GPRC5D: variants seen among roughly 807,000 people sequenced by gnomAD.
The protein encoded by GPRC5D is G protein-coupled receptor class C group 5 member D.
In GPRC5D, 20 loss-of-function variants were observed where a neutral mutation model predicts 29.3. That is an observed-to-expected ratio of 0.68 (90% CI 0.48 to 0.99). The LOEUF (loss-of-function observed/expected upper bound fraction) is 0.99, where lower values mean the gene tolerates loss of function less well. GPRC5D is among the 50% of genes least tolerant of loss of function. The probability of loss-of-function intolerance (pLI) is 0.00; values close to 1 mark genes in which losing one functional copy is unlikely to be tolerated. For synonymous variants in GPRC5D, 178 were observed against 171.3 expected (o/e 1.04, Z -0.30); for missense variants, 384 against 423.6 (o/e 0.91, Z 0.82).
rs1565480791 is a variant in GPRC5D at position 12,950,092 on chromosome 12, AC to A, written c.292del (p.Val98PhefsTer11). 1.2e-6 allele frequency: 2 copies of A among 1,614,060 alleles called. No individual in the cohort carries two copies. The highest frequency in any genetic ancestry group is 3.3e-5 in the Admixed American group (2 of 60,018). On this transcript the variant is annotated frameshift_variant, in exon 1 of 3. Transcript: ENST00000228887. LOFTEE classifies it high-confidence loss of function. ...GCATGAGAAACAGAGAGCAAAGAGA[AC>A]CCCAAAGAGAAAGTAGCGTACGGGG...
intron 1 of GPRC5D, among the ~76,000 whole-genome samples, chr12:12,946,492 T>C (rs1188964715): frequency 6.6e-6 from 1 of 151,368 alleles, no homozygotes; most frequent in Non-Finnish European, 1.5e-5. Flanking sequence ...CCTTGCTCTG[T>C]TGCCCAGGCT....
intron 2 of GPRC5D, among the ~76,000 whole-genome samples, chr12:12,941,571 A>G (rs1863146852): frequency 6.6e-6 from 1 of 152,174 alleles, no homozygotes; most frequent in Non-Finnish European, 1.5e-5. Context: ...AAATGATCTG[A>G]GGGTGGCTTT....
chr12:12,946,842 A>C (rs1208391243), intron 1 of GPRC5D, among the ~76,000 whole-genome samples: 1 of 152,164 alleles, frequency 6.6e-6, no homozygotes, highest in Non-Finnish European at 1.5e-5. Context: ...TGGTAAATTA[A>C]ATAATTATGT....
chr12:12,942,434 T>A, intron 1 of GPRC5D, 106 bp from the exon 3 acceptor site: 1 of 742,342 alleles, frequency 1.3e-6, no homozygotes, highest in South Asian at 1.6e-5. Flanking sequence ...GGCTCTTCAC[T>A]CTTTAAAAGG....
intron 1 of GPRC5D, among the ~76,000 whole-genome samples, chr12:12,947,959 G>T (rs1188032130): frequency 1.3e-5 from 2 of 152,110 alleles, no homozygotes; most frequent in East Asian, 3.9e-4. Flanking sequence ...CTCAGAGATG[G>T]GTTTTCTAAC....
At chr12:12,945,196 C>A (rs1863284124) in intron 1 of GPRC5D, among the ~76,000 whole-genome samples, 5 of 151,682 alleles carry the variant, frequency 3.3e-5, no homozygotes, top group Admixed American at 3.3e-4. Flanking sequence ...GTAGAGACAG[C>A]ATTTCACCAT....
intron 1 of GPRC5D, among the ~76,000 whole-genome samples, chr12:12,945,185 A>T (rs1438980104): frequency 6.6e-6 from 1 of 151,750 alleles, no homozygotes; most frequent in African/African-American, 2.4e-5. Flanking sequence ...TTGTATTTTT[A>T]GTAGAGACAG....
In GPRC5D at chr12:12,944,930, T is replaced by C. The variant is rs55852343; in HGVS notation, c.896-2602A>G. Among the ~76,000 whole-genome samples, 89 of 56,752 alleles carry C rather than the reference T, an allele frequency of 1.6e-3. 6 individuals carry two copies. Among genetic ancestry groups the C allele is most frequent in the South Asian group, 5.5e-3 (6 of 1,084 alleles). 37.2% of individuals were successfully genotyped at this position (56,752 alleles called of 152,430 possible). On this transcript the variant is annotated intron_variant, in intron 1 of 2. Coordinates refer to ENST00000228887, the Ensembl canonical transcript of GPRC5D. ...CTCTCCCTTTCTTTCCCTTTCTTCC[T>C]TTTCTTCCCTTTCTTTCCTTTTCTT...
intron 1 of GPRC5D, chr12:12,948,358 A>C (rs1863406556): frequency 6.5e-6 from 1 of 153,938 alleles, no homozygotes; most frequent in South Asian, 2.0e-4. Flanking sequence ...TCAATTTCCA[A>C]CTTTTGGTCA....
intron 1 of GPRC5D, among the ~76,000 whole-genome samples, chr12:12,945,531 CATTT>C (rs1283284925): frequency 6.6e-6 from 1 of 152,054 alleles, no homozygotes; most frequent in Non-Finnish European, 1.5e-5. Flanking sequence ...GGTTAGTTAT[CATTT>C]ATTCAGGAAG....
intron 1 of GPRC5D, among the ~76,000 whole-genome samples, chr12:12,942,878 A>G (rs957026831): frequency 6.6e-6 from 1 of 152,246 alleles, no homozygotes; most frequent in Non-Finnish European, 1.5e-5. Flanking sequence ...GGAGACCACT[A>G]GCTCCAAGTC....
upstream of GPRC5D, chr12:12,952,136 C>T (rs1346693179): frequency 1.3e-5 from 2 of 152,188 alleles, no homozygotes. Flanking sequence ...GAAGCTTAGG[C>T]TGTAGTGCTG....
In GPRC5D at chr12:12,940,777, A is replaced by G. The variant is rs746291144; in HGVS notation, c.1036T>C (p.Ter346GlnextTer?). ...CTCCACTTGTGTTTCCTGTAGATTT[A>G]TACTCCTCCTGCATCTTGCTGGGGG... Residue 346 changes from the stop codon to glutamine, a stop_lost, in exon 3 of 3, where the codon TAA becomes CAA. Coordinates refer to ENST00000228887, the Ensembl canonical transcript of GPRC5D. 8 of 1,587,030 alleles carry G rather than the reference A, an allele frequency of 5.0e-6. No homozygotes were observed. The South Asian group carries it at 5.5e-5, about 11-fold the overall frequency.
At chr12:12,942,014 G>A (rs556126256) in intron 2 of GPRC5D, among the ~76,000 whole-genome samples, 6 of 152,270 alleles carry the variant, frequency 3.9e-5, no homozygotes, top group South Asian at 4.1e-4. Context: ...CCAGGGACAC[G>A]CACTTGCATC....
intron 1 of GPRC5D, among the ~76,000 whole-genome samples, chr12:12,946,285 TTCCTTTCTTCCTTCCTTCCTTCC>T (rs1294259775): frequency 2.0e-5 from 2 of 101,820 alleles, no homozygotes; most frequent in Non-Finnish European, 4.1e-5. Context: ...CCTTCCTTCC[TTCCTTTCTTCCTTCCTTCCTTCC>T]TTTTCTTTCT....
At chr12:12,943,661 A>G (rs1448558407) in intron 1 of GPRC5D, among the ~76,000 whole-genome samples, 1 of 152,008 alleles carries the variant, frequency 6.6e-6, no homozygotes, top group East Asian at 1.9e-4. Flanking sequence ...TGATGCTGTG[A>G]TACATGAAAT....
chr12:12,948,995 A>G (rs1247505122), intron 1 of GPRC5D, among the ~76,000 whole-genome samples: 1 of 152,188 alleles, frequency 6.6e-6, no homozygotes, highest in Non-Finnish European at 1.5e-5. Context: ...GGCTTTAATG[A>G]GGTGGTGAGT....
chr12:12,948,998 T>C (rs1863420638), intron 1 of GPRC5D, among the ~76,000 whole-genome samples: 2 of 152,146 alleles, frequency 1.3e-5, no homozygotes, highest in Admixed American at 6.5e-5. Flanking sequence ...TTTAATGAGG[T>C]GGTGAGTCCT....
chr12:12,950,242 A>T, exon 1 of GPRC5D: 1 of 1,614,150 alleles, frequency 6.2e-7, no homozygotes, highest in Admixed American at 1.7e-5. Context: ...GATCTTTCGC[A>T]TGAGGAAGAG....
Sources: allele counts gnomAD v4.1 joint callset (sites outside exome capture counted in the v4.1 genomes callset), GRCh38; gene constraint gnomAD v4.1.1; transcripts MANE v1.5; gene names NCBI Gene and HGNC (gene_info 2026-07-23, HGNC 2026-07-21).